The following SMG1 variants were observed in gnomAD, a reference collection of about 807,000 sequenced individuals.
SMG1 encodes SMG1 nonsense mediated mRNA decay associated PI3K related kinase, also known as serine/threonine-protein kinase SMG1.
SMG1 carries 22 observed loss-of-function variants against 419.9 expected under a neutral mutation model. The ratio of observed to expected loss-of-function variants is 0.05; its 90% CI spans 0.04 to 0.07. SMG1 has a LOEUF of 0.07. Ranked by LOEUF, SMG1 falls within the 10% of genes least tolerant of loss-of-function variation. The probability of loss-of-function intolerance (pLI) is 1.00; values close to 1 mark genes in which losing one functional copy is unlikely to be tolerated. For missense variants in SMG1, 3,185 were observed against 4,342.0 expected (o/e 0.73, Z 7.49); for synonymous variants, 1,538 against 1,553.5 (o/e 0.99, Z 0.23).
intron 38 of SMG1, among the ~76,000 whole-genome samples, chr16:18,847,048 G>A (rs186343642): frequency 7.4e-4 from 75 of 101,276 alleles, no homozygotes; most frequent in African/African-American, 2.4e-3. Flanking sequence ...ATTATTCAGC[G>A]ATAAAAAAAT....
At chr16:18,879,274 C>T (rs1183535232) in intron 11 of SMG1, 2 of 528,984 alleles carry the variant, frequency 3.8e-6, no homozygotes, top group Non-Finnish European at 6.9e-6. Context: ...CGCCACTACA[C>T]CAAGCTAATT....
chr16:18,839,653 A>C (rs1336950759), intron 42 of SMG1, 45 bp downstream of exon 42: 1 of 1,602,872 alleles, frequency 6.2e-7, no homozygotes, highest in Admixed American at 1.7e-5. Flanking sequence ...GGTAGCAGGC[A>C]AAAGAAATAC....
chr16:18,910,349 G>A (rs147029211), intron 1 of SMG1, among the ~76,000 whole-genome samples: 1,943 of 151,452 alleles, frequency 0.013, 54 homozygotes, highest in African/African-American at 0.045. Context: ...TCCTGCCTCA[G>A]CCTCCCAAAT....
chr16:18,821,252 C>CT (rs1201180176), intron 55 of SMG1, among the ~76,000 whole-genome samples: 637 of 26,690 alleles, frequency 0.024, 105 homozygotes, highest in Admixed American at 0.038. Flanking sequence ...TTTTTTTTTT[C>CT]TTTTTTTTTT....
At chr16:18,880,471 G>T (rs1407272883) in intron 10 of SMG1, among the ~76,000 whole-genome samples, 1 of 152,154 alleles carries the variant, frequency 6.6e-6, no homozygotes, top group Non-Finnish European at 1.5e-5. Flanking sequence ...CTAGCACTTT[G>T]ACAGGATTAG....
intron 6 of SMG1, among the ~76,000 whole-genome samples, chr16:18,886,083 G>T (rs2036600099): frequency 6.6e-6 from 1 of 152,020 alleles, no homozygotes; most frequent in South Asian, 2.1e-4. Context: ...GTTAACATTA[G>T]TCCTTAATAA....
chr16:18,883,643 G>A (rs1261710323), intron 9 of SMG1, among the ~76,000 whole-genome samples: 1 of 152,192 alleles, frequency 6.6e-6, no homozygotes, highest in Non-Finnish European at 1.5e-5. Context: ...TATTGACTGG[G>A]CACGGGGGCT....
At chr16:18,842,089 C>T in intron 40 of SMG1, 119 bp downstream of exon 40, 1 of 1,133,958 alleles carries the variant, frequency 8.8e-7, no homozygotes, top group Non-Finnish European at 1.2e-6. Context: ...GCACTGCAGG[C>T]TAATAATGAC....
At chr16:18,814,609 C>CA (rs1247308292) in intron 60 of SMG1, among the ~76,000 whole-genome samples, 3 of 152,098 alleles carry the variant, frequency 2.0e-5, no homozygotes, top group African/African-American at 7.2e-5. Context: ...GAGTCTTGCT[C>CA]TGTCACCCAG....
chr16:18,857,330 A>C (rs539270389), intron 29 of SMG1: 10 of 152,386 alleles, frequency 6.6e-5, no homozygotes, highest in East Asian at 1.9e-4. Context: ...ATAAATATTT[A>C]TACAAATAGT....
intron 10 of SMG1, among the ~76,000 whole-genome samples, chr16:18,881,869 A>G (rs1274285821): frequency 6.6e-6 from 1 of 152,148 alleles, no homozygotes. Flanking sequence ...CAATAATTTA[A>G]AAGTAAAATT....
rs189811082 is a variant in SMG1, at chr16:18,864,398, G to A, written c.3351-254C>T. Among the ~76,000 whole-genome samples the A allele has an allele frequency of 3.3e-3, 503 of 151,876 alleles. 4 individuals are homozygous for A. The highest frequency in any genetic ancestry group is 0.012 in the African/African-American group (477 of 41,432). ...TTTTTAGTAGAGACGGGGTTTCACC[G>A]TGTTGGCCAGGCTGGTCTTGAACTC... On this transcript the variant is annotated intron_variant, in intron 23 of 62. Coordinates refer to ENST00000446231, the MANE Select transcript of SMG1 (RefSeq NM_015092.5).
chr16:18,877,263 T>G, intron 11 of SMG1, 31 bp from the exon 12 acceptor site: 2 of 1,460,250 alleles, frequency 1.4e-6, no homozygotes, highest in South Asian at 2.5e-5. Context: ...AAAAATGAGC[T>G]TCTCCAATTA....
At chr16:18,856,919 A>G (rs576175111) in intron 29 of SMG1, 3 of 151,814 alleles carry the variant, frequency 2.0e-5, no homozygotes, top group East Asian at 1.9e-4. Flanking sequence ...TTGTGAAGCC[A>G]TATTATATGA....
chr16:18,845,573 C>T lies in SMG1; in HGVS notation c.6075G>A (p.Arg2025=), dbSNP rs1195797876. 1 of 1,613,716 alleles carries T rather than the reference C, an allele frequency of 6.2e-7. No homozygotes were observed. The highest frequency in any genetic ancestry group is 8.5e-7 in the Non-Finnish European group (1 of 1,179,892). ...KPIVFALEHV[R]SITAAPAETP... ...TTTCTGCAGGAGCCGCTGTGATACTCCTCACATGCTCCAAAGCAAATACGA... is the reference window on the plus strand; with the variant it reads ...TTTCTGCAGGAGCCGCTGTGATACTTCTCACATGCTCCAAAGCAAATACGA... The change falls in exon 39 of 63, where the codon AGG becomes AGA. Residue 2025 remains arginine, a synonymous_variant. Coordinates refer to ENST00000446231, the MANE Select transcript of SMG1 (RefSeq NM_015092.5).
At chr16:18,900,332 T>C (rs1270859894) in intron 1 of SMG1, among the ~76,000 whole-genome samples, 1 of 152,146 alleles carries the variant, frequency 6.6e-6, no homozygotes, top group African/African-American at 2.4e-5. Context: ...AGCTACCTAT[T>C]CTCAATATAC....
At chr16:18,902,286 G>GCCCTATGCACCTCTA (rs1301206575) in intron 1 of SMG1, among the ~76,000 whole-genome samples, 1 of 152,136 alleles carries the variant, frequency 6.6e-6, no homozygotes, top group Non-Finnish European at 1.5e-5. Flanking sequence ...CCCGAACTCT[G>GCCCTATGCACCTCTA]CCCTATGCAC....
intron 30 of SMG1, 36 bp downstream of exon 30, chr16:18,854,620 T>C (rs1567373308): frequency 6.4e-7 from 1 of 1,551,188 alleles, no homozygotes; most frequent in Admixed American, 1.9e-5. Flanking sequence ...TGATTTTTAT[T>C]ATACTCATGT....
intron 46 of SMG1, among the ~76,000 whole-genome samples, 197 bp from the exon 47 acceptor site, chr16:18,836,729 T>TA (rs1447327334): frequency 2.6e-5 from 4 of 152,188 alleles, no homozygotes; most frequent in Non-Finnish European, 5.9e-5. Flanking sequence ...ACATTTTAAT[T>TA]AAAACTGCCA....
Sources: gnomAD v4.1 joint callset for allele counts (sites outside exome capture counted in the v4.1 genomes callset) on GRCh38, gnomAD v4.1.1 for gene constraint, MANE v1.5 for transcripts, NCBI Gene and HGNC (gene_info 2026-07-23, HGNC 2026-07-21) for gene names.